The following ASAH1 variants were observed in gnomAD, a reference collection of about 807,000 sequenced individuals.
ASAH1 encodes the protein N-acylsphingosine amidohydrolase 1.
ASAH1 carries 70 observed loss-of-function variants against 59.5 expected under a neutral mutation model. The ratio of observed to expected loss-of-function variants is 1.18; its 90% CI spans 0.97 to 1.43. The LOEUF (loss-of-function observed/expected upper bound fraction) is 1.43, where lower values mean the gene tolerates loss of function less well. Among genes scored for constraint, ASAH1 ranks in the 40% most tolerant of loss-of-function variants. ASAH1 has a pLI of 0.00. For synonymous variants in ASAH1, 213 were observed against 166.5 expected (o/e 1.28, Z -2.15); for missense variants, 660 against 482.5 (o/e 1.37, Z -3.45).
Position 18,064,571 on chromosome 8 carries a change from T to A in ASAH1, c.383-40A>T, listed in dbSNP as rs774827564. 4 of 1,139,926 alleles carry A rather than the reference T, an allele frequency of 3.5e-6. No homozygotes were observed. The South Asian group carries it at 5.2e-5, about 15-fold the overall frequency. 70.6% of individuals were successfully genotyped at this position (1,139,926 alleles called of 1,614,324 possible). A position where few individuals can be genotyped will look rare whatever the true frequency, so the allele number is the denominator to read the frequency against. On this transcript the variant is annotated intron_variant, in intron 5 of 13. Coordinates refer to ENST00000637790, the MANE Select transcript of ASAH1 (RefSeq NM_177924.5). ...AATTTTGTGTTAATATACAGAACCA[T>A]GACAATGGGAGAAAAATTTGTTTTA...
chr8:18,066,232 A>T (rs1799922410), intron 5 of ASAH1: 1 of 152,066 alleles, frequency 6.6e-6, no homozygotes, highest in Non-Finnish European at 1.5e-5. Context: ...CACTAAAATT[A>T]AAAATTTCTG....
In ASAH1 at chr8:18,057,455, C is replaced by T. The variant is rs1194419074; in HGVS notation, c.*79G>A. 4.3e-6 allele frequency: 5 copies of T among 1,157,486 alleles called. No individual in the cohort carries two copies. In the Admixed American group the frequency reaches 9.0e-5, roughly 21 times the overall value. 71.7% of individuals were successfully genotyped at this position (1,157,486 alleles called of 1,614,324 possible). On this transcript the variant is annotated 3_prime_UTR_variant, in exon 14 of 14. Transcript: ENST00000637790. ...CCGCGAGTCTTAGTCTTTGGAAGGT[C>T]AGACAGCTGCAGTGTTCGGTCACAT...
intron 2 of ASAH1, chr8:18,073,126 A>G (rs1445892683): frequency 4.2e-6 from 4 of 942,170 alleles, no homozygotes; most frequent in African/African-American, 3.2e-5. Flanking sequence ...AATCTAATAA[A>G]CCAAATTATT....
intron 3 of ASAH1, 56 bp from the exon 4 acceptor site, chr8:18,069,934 C>A: frequency 7.7e-7 from 1 of 1,297,284 alleles, no homozygotes; most frequent in Non-Finnish European, 1.1e-6. Flanking sequence ...GTCAAGATTA[C>A]CTTTTGGCTT....
chr8:18,059,279 C>G (rs1799589015), intron 12 of ASAH1, 62 bp downstream of exon 12: 1 of 1,611,300 alleles, frequency 6.2e-7, no homozygotes, highest in South Asian at 1.1e-5. Context: ...AAGAAAAATG[C>G]CAGAACCAAG....
chr8:18,084,587 C>A, upstream of ASAH1: 1 of 1,581,658 alleles, frequency 6.3e-7, no homozygotes, highest in Admixed American at 1.8e-5. Context: ...TCATCCCCAC[C>A]GCGGAGTCAG....
chr8:18,071,258 A>AAAAC, intron 3 of ASAH1, 42 bp downstream of exon 3: 1 of 939,884 alleles, frequency 1.1e-6, no homozygotes, highest in Non-Finnish European at 1.5e-6. Context: ...TAAAATAAAA[A>AAAAC]ATAAAAATAA....
Position 18,070,171 on chromosome 8 carries a change from C to T in ASAH1, c.217-293G>A, listed in dbSNP as rs1224368041. 7.4e-5 allele frequency among the ~76,000 whole-genome samples: 11 copies of T among 148,734 alleles called. No homozygotes were observed. The South Asian group carries it at 8.5e-4, about 12-fold the overall frequency. On this transcript the variant is annotated intron_variant, in intron 3 of 13. Coordinates refer to ENST00000637790, the MANE Select transcript of ASAH1 (RefSeq NM_177924.5). ...AATTTTTGTATTTTTTTTTTTAAGA[C>T]GGAGTTTTGCTCTTGTCGCCCAGGC...
In ASAH1 at chr8:18,083,977, T is replaced by G; in HGVS notation, c.78+4A>C. 6.3e-7 allele frequency: 1 copy of G among 1,597,572 alleles called. No individual in the cohort carries two copies. Among genetic ancestry groups the G allele is most frequent in the Non-Finnish European group, 8.5e-7 (1 of 1,179,328 alleles). On this transcript the variant is annotated splice_donor_region_variant and intron_variant, in intron 1 of 13. Transcript: ENST00000637790. ...TCTCTGCGCCTCGGCTCAAGCTCAC[T>G]CACCGGCGGCGCGTGCTGCGCGACG...
At chr8:18,062,136 C>G (rs1226604763) in intron 8 of ASAH1, 143 bp downstream of exon 8, 2 of 1,101,876 alleles carry the variant, frequency 1.8e-6, no homozygotes, top group African/African-American at 3.1e-5. Flanking sequence ...AGATCTCATA[C>G]CTATGAAGTG....
Position 18,075,860 on chromosome 8 carries a change from G to C in ASAH1, c.79-273C>G, listed in dbSNP as rs1178162320. ...CAAATATATTGAGTAACGAACAAATGTAACAAAGTAGATGGAAAATATTTA... is the reference window on the plus strand; with the variant it reads ...CAAATATATTGAGTAACGAACAAATCTAACAAAGTAGATGGAAAATATTTA... On this transcript the variant is annotated intron_variant, in intron 1 of 13. Coordinates refer to ENST00000637790, the MANE Select transcript of ASAH1 (RefSeq NM_177924.5). The C allele has an allele frequency of 3.8e-5, 18 of 477,710 alleles. No homozygotes were observed. The East Asian group carries it at 7.2e-4, about 19-fold the overall frequency. The allele number at this position is 477,710 out of a possible 1,614,324, so 29.6% of individuals were successfully genotyped here.
At chr8:18,080,013 G>A (rs1800585945) in intron 1 of ASAH1, among the ~76,000 whole-genome samples, 1 of 152,178 alleles carries the variant, frequency 6.6e-6, no homozygotes, top group Non-Finnish European at 1.5e-5. Flanking sequence ...CATTCCCAGC[G>A]TTTAGGAGTC....
At chr8:18,066,772 A>G (rs573746023) in intron 5 of ASAH1, 1 of 171,980 alleles carries the variant, frequency 5.8e-6, no homozygotes, top group East Asian at 1.4e-4. Flanking sequence ...ATGTACTACA[A>G]TATTTATAAT....
Position 18,057,212 on chromosome 8 carries a change from AT to A in ASAH1, c.*321del, listed in dbSNP as rs1799505751. ...GATTCAACACCCACGCTGAATCTCC[AT>A]TTATTCCACGGAGGTGGAGTTCACC... is the stretch of plus-strand genomic sequence containing the variant. On this transcript the variant is annotated 3_prime_UTR_variant, in exon 14 of 14. Transcript: ENST00000637790. The A allele has an allele frequency of 1.9e-5, 6 of 313,158 alleles. No homozygotes were observed. Among genetic ancestry groups the A allele is most frequent in the South Asian group, 1.7e-4 (6 of 35,732 alleles). 19.4% of individuals were successfully genotyped at this position (313,158 alleles called of 1,614,324 possible). A position where few individuals can be genotyped will look rare whatever the true frequency, so the allele number is the denominator to read the frequency against.
Position 18,056,647 on chromosome 8 carries a change from C to T in ASAH1, c.*887G>A, listed in dbSNP as rs1431150316. On this transcript the variant is annotated 3_prime_UTR_variant, in exon 14 of 14. Coordinates refer to ENST00000637790, the MANE Select transcript of ASAH1 (RefSeq NM_177924.5). Reference sequence around the variant, plus strand: ...TACAGTAACATAATTTTAGTAACTACTAAAATTTCTTTAAAACTCCCTATC... The same window carrying T: ...TACAGTAACATAATTTTAGTAACTATTAAAATTTCTTTAAAACTCCCTATC... 6.6e-6 allele frequency: 1 copy of T among 152,162 alleles called. No homozygotes were observed. The highest frequency in any genetic ancestry group is 1.5e-5 in the Non-Finnish European group (1 of 68,038). The allele number at this position is 152,162 out of a possible 1,614,324, so 9.4% of individuals were successfully genotyped here. A position where few individuals can be genotyped will look rare whatever the true frequency, so the allele number is the denominator to read the frequency against.
At chr8:18,066,162 A>G (rs911827554) in intron 5 of ASAH1, 1 of 152,106 alleles carries the variant, frequency 6.6e-6, no homozygotes, top group Non-Finnish European at 1.5e-5. Context: ...GTAGGCCAAG[A>G]TTCCTTAAAT....
At chr8:18,080,894 GAC>G (rs1261854401) in intron 1 of ASAH1, among the ~76,000 whole-genome samples, 1 of 152,206 alleles carries the variant, frequency 6.6e-6, no homozygotes, top group African/African-American at 2.4e-5. Context: ...TCCTCTTCTT[GAC>G]ACATACATGT....
At chr8:18,059,916 G>A in intron 10 of ASAH1, 1 of 491,072 alleles carries the variant, frequency 2.0e-6, no homozygotes, top group Non-Finnish European at 3.6e-6. Context: ...TTGTCCTAAT[G>A]CTCTCCCTCC....
chr8:18,064,397 TAGA>T (rs1362075831), intron 6 of ASAH1, 57 bp downstream of exon 6: 12 of 1,283,046 alleles, frequency 9.4e-6, no homozygotes, highest in African/African-American at 8.9e-5. Flanking sequence ...TAATTTCATT[TAGA>T]AGATTTTTCT....
Sources: gnomAD v4.1 joint callset for allele counts (sites outside exome capture counted in the v4.1 genomes callset) on GRCh38, gnomAD v4.1.1 for gene constraint, MANE v1.5 for transcripts, NCBI Gene and HGNC (gene_info 2026-07-23, HGNC 2026-07-21) for gene names.